Variants in CHLSN observed in about 807,000 individuals in gnomAD.
CHLSN encodes the protein protein cholesin.
chr7:1,004,226 G>A, the CHLSN span, among the ~76,000 whole-genome samples: 1 of 152,138 alleles, frequency 6.6e-6, no homozygotes, highest in African/African-American at 2.4e-5. Context: ...AGGTGCACCC[G>A]GGCCAGCCAG....
At chr7:984,013 T>C in the CHLSN span, among the ~76,000 whole-genome samples, 12 of 152,130 alleles carry the variant, frequency 7.9e-5, no homozygotes, top group African/African-American at 2.7e-4. Context: ...CTGGCCGGGC[T>C]GTAGCCGAAG....
the CHLSN span, among the ~76,000 whole-genome samples, chr7:984,149 G>GC: frequency 7.9e-5 from 12 of 152,204 alleles, no homozygotes; most frequent in African/African-American, 2.7e-4. Flanking sequence ...CAGGGCTTGA[G>GC]CCCCCCAGGA....
chr7:1,091,900 G>A, the CHLSN span: 18 of 1,614,008 alleles, frequency 1.1e-5, no homozygotes, highest in Middle Eastern at 1.6e-4. Flanking sequence ...GTACGTGATC[G>A]GCCTGTTCCT....
the CHLSN span, chr7:997,564 C>T: frequency 1.4e-5 from 19 of 1,377,002 alleles, no homozygotes; most frequent in East Asian, 3.0e-5. Flanking sequence ...GGAGGAGCTG[C>T]ACCCTGTGTG....
the CHLSN span, among the ~76,000 whole-genome samples, chr7:1,110,490 C>G: frequency 1.3e-5 from 2 of 152,354 alleles, no homozygotes; most frequent in South Asian, 4.1e-4. Flanking sequence ...GCCGCCTGGG[C>G]AGCCTGAGCG....
chr7:1,087,008 G>A, the CHLSN span: 3 of 152,240 alleles, frequency 2.0e-5, no homozygotes, highest in Non-Finnish European at 4.4e-5. Flanking sequence ...ACGCGGGCTT[G>A]GGGGGCCTCG....
the CHLSN span, among the ~76,000 whole-genome samples, chr7:1,078,716 C>T: frequency 6.6e-6 from 1 of 152,250 alleles, no homozygotes; most frequent in Non-Finnish European, 1.5e-5. Context: ...GCCTTACAAC[C>T]ATGCAGAACT....
the CHLSN span, among the ~76,000 whole-genome samples, chr7:1,117,258 C>G: frequency 3.0e-5 from 2 of 65,740 alleles, no homozygotes; most frequent in South Asian, 6.2e-4. Flanking sequence ...TACAGCTCTA[C>G]GGACCGGCTT....
At chr7:1,130,634 C>G in the CHLSN span, among the ~76,000 whole-genome samples, 4 of 152,114 alleles carry the variant, frequency 2.6e-5, no homozygotes, top group Non-Finnish European at 4.4e-5. Context: ...TCTCCTCTGC[C>G]GCCCCCACTG....
At chr7:1,136,275 AAAATATATAT>A in the CHLSN span, among the ~76,000 whole-genome samples, 3 of 115,432 alleles carry the variant, frequency 2.6e-5, no homozygotes, top group Non-Finnish European at 4.8e-5. Context: ...ATAAATATAT[AAAATATATAT>A]AAATATATAT....
At chr7:986,844 G>T in the CHLSN span, 1 of 1,468,562 alleles carries the variant, frequency 6.8e-7, no homozygotes. Context: ...GGGGTCCTGA[G>T]GGACACCCCA....
At chr7:985,700 A>G in the CHLSN span, among the ~76,000 whole-genome samples, 1 of 152,142 alleles carries the variant, frequency 6.6e-6, no homozygotes, top group African/African-American at 2.4e-5. Flanking sequence ...AGTGCCCCAA[A>G]ACCACAAAAG....
At chr7:1,024,025 G>C in the CHLSN span, among the ~76,000 whole-genome samples, 13 of 152,164 alleles carry the variant, frequency 8.5e-5, no homozygotes, top group African/African-American at 2.4e-4. Flanking sequence ...ATTTTTTATA[G>C]AGATAGGACC....
the CHLSN span, among the ~76,000 whole-genome samples, chr7:1,129,672 T>C: frequency 6.6e-6 from 1 of 152,172 alleles, no homozygotes; most frequent in African/African-American, 2.4e-5. Context: ...TTAAACCCCT[T>C]GGTTCCAGCC....
chr7:987,523 C>A, the CHLSN span: 1 of 1,524,942 alleles, frequency 6.6e-7, no homozygotes, highest in Non-Finnish European at 8.8e-7. Flanking sequence ...CGGCTTCCTG[C>A]TCCCCAAGGT....
the CHLSN span, chr7:988,268 C>A: frequency 6.4e-7 from 1 of 1,555,120 alleles, no homozygotes; most frequent in Admixed American, 2.3e-5. Context: ...GCCCCGGCTG[C>A]CCCCACAGGG....
At chr7:1,128,715 G>A in the CHLSN span, among the ~76,000 whole-genome samples, 6 of 28,802 alleles carry the variant, frequency 2.1e-4, no homozygotes, top group Admixed American at 3.1e-4. Context: ...GCAGTGGCAC[G>A]ATCTCGGCTC....
the CHLSN span, among the ~76,000 whole-genome samples, chr7:1,104,323 C>G: frequency 1.8e-4 from 28 of 152,322 alleles, no homozygotes; most frequent in Admixed American, 1.6e-3. Context: ...TTGCTGGGCC[C>G]AGGACTTCGA....
chr7:1,113,795 C>T, the CHLSN span, among the ~76,000 whole-genome samples: 1 of 152,204 alleles, frequency 6.6e-6, no homozygotes, highest in East Asian at 1.9e-4. Flanking sequence ...CTCTGACTGC[C>T]AGGCAAGGAG....
Sources: allele counts gnomAD v4.1 joint callset (sites outside exome capture counted in the v4.1 genomes callset), GRCh38; gene constraint gnomAD v4.1.1; transcripts MANE v1.5; gene names NCBI Gene and HGNC (gene_info 2026-07-23, HGNC 2026-07-21).